Variants in ITGB4 observed in about 807,000 individuals in gnomAD.
ITGB4 encodes the protein integrin beta-4.
A neutral mutation model predicts 207.6 loss-of-function variants in ITGB4; 159 were observed. The observed-to-expected ratio is 0.77, with a 90% confidence interval of 0.67 to 0.87. ITGB4 has a LOEUF of 0.87. ITGB4 is among the 40% of genes least tolerant of loss of function. The pLI, the probability that ITGB4 is intolerant of heterozygous loss-of-function variation, is 0.00. For synonymous variants in ITGB4, 1,020 were observed against 1,062.7 expected, an observed-to-expected ratio of 0.96 and a Z score of 0.78; for missense variants, 2,278 against 2,546.8, an observed-to-expected ratio of 0.89 and a Z score of 2.27.
In ITGB4 at chr17:75,729,211, G is replaced by A. The variant is rs2060797039; in HGVS notation, c.567-54G>A. 5 of 1,574,400 alleles carry A rather than the reference G, an allele frequency of 3.2e-6. No individual in the cohort carries two copies. Among genetic ancestry groups the A allele is most frequent in the South Asian group, 1.1e-5 (1 of 90,124 alleles). On this transcript the variant is annotated intron_variant, in intron 6 of 39. Coordinates refer to ENST00000200181, the MANE Select transcript of ITGB4 (RefSeq NM_000213.5). This position sits in a 1 kb window ranked among gnomAD's most constrained non-coding sequence, Gnocchi z 4.4. ...AGTTGAAACGAGCCAGGGGCACTGG[G>A]GTCTGCGGCGTCTTCCCCCTGTGAC...
At chr17:75,737,126 C>T (rs751216535) in intron 16 of ITGB4, among the ~76,000 whole-genome samples, 196 bp from the exon 17 acceptor site, 2 of 152,170 alleles carry the variant, frequency 1.3e-5, no homozygotes, top group Non-Finnish European at 2.9e-5. Flanking sequence ...CTCTGATGCT[C>T]CTGAGCAGGG....
At chr17:75,741,290 C>T (rs1018372036) in intron 23 of ITGB4, among the ~76,000 whole-genome samples, 25 of 152,276 alleles carry the variant, frequency 1.6e-4, no homozygotes, top group African/African-American at 4.8e-4. Context: ...CCGGTACCAG[C>T]GATAGCAGGT....
chr17:75,734,105 G>A (rs2060922370), intron 13 of ITGB4, among the ~76,000 whole-genome samples: 1 of 141,148 alleles, frequency 7.1e-6, no homozygotes, highest in Non-Finnish European at 1.5e-5. Flanking sequence ...ATTTCTGTGG[G>A]TTTTTTGTTG....
chr17:75,733,766 AC>A, intron 13 of ITGB4, 74 bp downstream of exon 13: 1 of 1,502,642 alleles, frequency 6.7e-7, no homozygotes. Flanking sequence ...TCCCGTCAGG[AC>A]CCAGGTTGGG....
rs761318185 is a variant in ITGB4, at chr17:75,752,196, A to C, written c.3816A>C (p.Lys1272Asn). Residue 1272 changes from lysine to asparagine, a missense_variant, in exon 31 of 40, where the codon AAA becomes AAC. Transcript: ENST00000200181. ...DDNRPIGPMK[K>N]VLVDNPKNRM... is the part of the protein sequence containing the mutation. ...CAGGACCTATTGGGCCCATGAAGAA[A>C]GTGCTGGTTGACAACCCTAAGAACC... The C allele has an allele frequency of 6.2e-7, 1 of 1,613,854 alleles. No individual in the cohort carries two copies. Among genetic ancestry groups the C allele is most frequent in the Non-Finnish European group, 8.5e-7 (1 of 1,180,012 alleles).
intron 26 of ITGB4, among the ~76,000 whole-genome samples, chr17:75,747,695 C>G (rs997131170): frequency 2.6e-5 from 4 of 152,142 alleles, no homozygotes; most frequent in South Asian, 2.1e-4. Context: ...AGGTCTCGCT[C>G]TGTCACCCAG....
chr17:75,731,321 T>C lies in ITGB4; in HGVS notation c.1168T>C (p.Phe390Leu), dbSNP rs754973172. Residue 390 changes from phenylalanine to leucine, a missense_variant, in exon 10 of 40, where the codon TTC becomes CTC. By Grantham distance (22) the Phe-to-Leu change is conservative. Transcript: ENST00000200181. The surrounding 1 kb of genome is among the most constrained non-coding windows in gnomAD (Gnocchi z 6.8). ...GLRTEVTSKM[F>L]QKTRTGSFHI... Reference sequence around the variant, plus strand: ...TCGGACAGAGGTCACCTCCAAGATGTTCCAGAAGACGAGGACTGGGTCCTT... The same window carrying C: ...TCGGACAGAGGTCACCTCCAAGATGCTCCAGAAGACGAGGACTGGGTCCTT... 2 of 1,613,452 alleles carry C rather than the reference T, an allele frequency of 1.2e-6. No homozygotes were observed. The highest frequency in any genetic ancestry group is 1.7e-6 in the Non-Finnish European group (2 of 1,179,970).
Position 75,729,916 on chromosome 17 carries a change from G to A in ITGB4, c.739-325G>A, listed in dbSNP as rs922812262. Reference sequence around the variant, plus strand: ...CCCAGCACTTTGGGAGGCCGAGGCGGGGGGATTGCTTGAATTCAGGATTTG... The same window carrying A: ...CCCAGCACTTTGGGAGGCCGAGGCGAGGGGATTGCTTGAATTCAGGATTTG... On this transcript the variant is annotated intron_variant, in intron 7 of 39. Coordinates refer to ENST00000200181, the MANE Select transcript of ITGB4 (RefSeq NM_000213.5). This position sits in a 1 kb window ranked among gnomAD's most constrained non-coding sequence, Gnocchi z 4.4. Among the ~76,000 whole-genome samples the A allele has an allele frequency of 2.0e-5, 3 of 152,242 alleles. No individual in the cohort carries two copies. The highest frequency in any genetic ancestry group is 7.2e-5 in the African/African-American group (3 of 41,458).
At position 75,739,962 on chromosome 17, in the gene ITGB4, G is replaced by A. The variant is rs759488239; in HGVS notation, c.2337G>A (p.Leu779=). ...MASDHLDTPM[L]RSGNLKGRDV... ...CTGACCACTTGGACACGCCCATGCT[G>A]CGCAGCGGGAACCTCAAGGGCCGTG... The change falls in exon 20 of 40, where the codon CTG becomes CTA. Residue 779 remains leucine (L), a synonymous_variant. Coordinates refer to ENST00000200181, the MANE Select transcript of ITGB4 (RefSeq NM_000213.5). This position sits in a 1 kb window ranked among gnomAD's most constrained non-coding sequence, Gnocchi z 5.4. 3 of 1,613,306 alleles carry A rather than the reference G, an allele frequency of 1.9e-6. No homozygotes were observed. Among genetic ancestry groups the A allele is most frequent in the East Asian group, 4.5e-5 (2 of 44,888 alleles).
chr17:75,755,662 C>T (rs1357015496), intron 34 of ITGB4, 39 bp from the exon 35 acceptor site: 14 of 1,611,278 alleles, frequency 8.7e-6, no homozygotes, highest in African/African-American at 1.3e-5. Flanking sequence ...GAGACCCTAG[C>T]CCCTGCATCT....
rs1371888137 is a variant in ITGB4, at chr17:75,731,395, G to T, written c.1215+27G>T. 1.0e-5 allele frequency: 16 copies of T among 1,597,730 alleles called. No individual in the cohort carries two copies. The highest frequency in any genetic ancestry group is 1.1e-5 in the Non-Finnish European group (13 of 1,169,622). On this transcript the variant is annotated intron_variant, in intron 10 of 39. Transcript: ENST00000200181. The surrounding 1 kb of genome is among the most constrained non-coding windows in gnomAD (Gnocchi z 6.8). ...TACGCCTCTGTGGGGGCAGCGGGGTGGGGGATAGGCACAGCGCCCCACACC... is the reference window on the plus strand; with the variant it reads ...TACGCCTCTGTGGGGGCAGCGGGGTTGGGGATAGGCACAGCGCCCCACACC...
chr17:75,750,719 C>T lies in ITGB4; in HGVS notation c.3514C>T (p.His1172Tyr), dbSNP rs1271583104. 1.2e-6 allele frequency: 2 copies of T among 1,613,478 alleles called. No individual in the cohort carries two copies. The highest frequency in any genetic ancestry group is 3.3e-5 in the Admixed American group (2 of 60,028). Reference protein sequence around the residue: ...WIQGDSESEAHLLDSKVPSVE... With the variant: ...WIQGDSESEAYLLDSKVPSVE... ...TCAGGGTGACTCCGAATCCGAAGCCCACCTGCTCGACAGCAAGGTGCCCTC... is the reference window on the plus strand; with the variant it reads ...TCAGGGTGACTCCGAATCCGAAGCCTACCTGCTCGACAGCAAGGTGCCCTC... The change falls in exon 29 of 40, where the codon CAC (histidine) becomes TAC (tyrosine). Residue 1172 changes from histidine (H) to tyrosine (Y), a missense_variant. Coordinates refer to ENST00000200181, the MANE Select transcript of ITGB4 (RefSeq NM_000213.5). The surrounding 1 kb of genome is among the most constrained non-coding windows in gnomAD (Gnocchi z 5.5).
intron 34 of ITGB4, 68 bp from the exon 35 acceptor site, chr17:75,755,632 GC>G: frequency 6.3e-7 from 1 of 1,592,704 alleles, no homozygotes; most frequent in Non-Finnish European, 8.6e-7. Flanking sequence ...AGGTCAGGGG[GC>G]AGCACTGTGA....
chr17:75,755,774 C>CA lies in ITGB4; in HGVS notation c.4633dup (p.Arg1545LysfsTer27). The CA allele has an allele frequency of 6.2e-7, 1 of 1,612,662 alleles. No individual in the cohort carries two copies. The highest frequency in any genetic ancestry group is 1.1e-5 in the South Asian group (1 of 91,088). On this transcript the variant is annotated frameshift_variant, in exon 35 of 40. Coordinates refer to ENST00000200181, the MANE Select transcript of ITGB4 (RefSeq NM_000213.5). LOFTEE classifies it high-confidence loss of function. ...TCTCTGCCCTGGGGCCCACATCTCT[C>CA]AGAGTGAGCTGGCAGGAGCCGCGGT...
rs146687485 is a variant in ITGB4 at position 75,731,754 on chromosome 17, G to A, written c.1216-58G>A. 1.3e-5 allele frequency: 19 copies of A among 1,508,050 alleles called. No individual in the cohort carries two copies. Among genetic ancestry groups the A allele is most frequent in the African/African-American group, 1.1e-4 (8 of 72,098 alleles). 93.4% of individuals were successfully genotyped at this position (1,508,050 alleles called of 1,614,324 possible). On this transcript the variant is annotated intron_variant, in intron 10 of 39. Coordinates refer to ENST00000200181, the MANE Select transcript of ITGB4 (RefSeq NM_000213.5). The surrounding 1 kb of genome is among the most constrained non-coding windows in gnomAD (Gnocchi z 6.8). Reference sequence around the variant, plus strand: ...TGGGGGCCGAGGGCCTTCAGGCATCGATGGCCCCCTGGTCCTTGGGGCTGG... The same window carrying A: ...TGGGGGCCGAGGGCCTTCAGGCATCAATGGCCCCCTGGTCCTTGGGGCTGG...
In ITGB4 at chr17:75,724,707, G is replaced by T; in HGVS notation, c.4G>T (p.Ala2Ser). 6.2e-7 allele frequency: 1 copy of T among 1,613,364 alleles called. No homozygotes were observed. Among genetic ancestry groups the T allele is most frequent in the Non-Finnish European group, 8.5e-7 (1 of 1,179,646 alleles). Residue 2 changes from alanine to serine, a missense_variant, in exon 2 of 40, where the codon GCA becomes TCA. By Grantham distance (99) the Ala-to-Ser change is moderately conservative. Transcript: ENST00000200181. M[A>S]GPRPSPWARL... ...GCTGTTCTGCAGGAGGAAGAGGATG[G>T]CAGGGCCACGCCCCAGCCCATGGGC...
Position 75,757,513 on chromosome 17 carries a change from A to G in ITGB4, c.5427A>G (p.Gly1809=). The G allele has an allele frequency of 6.2e-7, 1 of 1,613,270 alleles. No individual in the cohort carries two copies. Among genetic ancestry groups the G allele is most frequent in the Non-Finnish European group, 8.5e-7 (1 of 1,179,970 alleles). The change falls in exon 40 of 40, where the codon GGA becomes GGG. Residue 1809 remains glycine (G), a synonymous_variant. Coordinates refer to ENST00000200181, the MANE Select transcript of ITGB4 (RefSeq NM_000213.5). ...TGAGCCGGACACTGACCACCAGCGGAACCCTTAGCACCCACATGGACCAAC... is the reference window on the plus strand; with the variant it reads ...TGAGCCGGACACTGACCACCAGCGGGACCCTTAGCACCCACATGGACCAAC... ...EFVSRTLTTS[G]TLSTHMDQQF... is the part of the protein sequence containing the mutation.
At chr17:75,733,807 G>T in intron 13 of ITGB4, 115 bp downstream of exon 13, 2 of 1,205,950 alleles carry the variant, frequency 1.7e-6, no homozygotes, top group Middle Eastern at 1.9e-4. Context: ...GAATCCCCAA[G>T]TTCAGGCCCA....
Position 75,754,719 on chromosome 17 carries a change from C to T in ITGB4, c.4462C>T (p.Leu1488Phe), listed in dbSNP as rs548288813. The T allele has an allele frequency of 8.9e-5, 144 of 1,614,186 alleles. No individual in the cohort carries two copies. The South Asian group carries it at 1.3e-3, about 15-fold the overall frequency. Reference sequence around the variant, plus strand: ...CCGCGTGCTAAGCACATCCTCCACCCTCACACGGGACTACAACTCACTGAC... The same window carrying T: ...CCGCGTGCTAAGCACATCCTCCACCTTCACACGGGACTACAACTCACTGAC... ...PHRVLSTSST[L>F]TRDYNSLTRS... Residue 1488 changes from leucine to phenylalanine, a missense_variant, in exon 34 of 40, where the codon CTC becomes TTC. Transcript: ENST00000200181.
Sources: gnomAD v4.1 joint callset for allele counts (sites outside exome capture counted in the v4.1 genomes callset) on GRCh38, gnomAD v4.1.1 for gene constraint, Gnocchi (gnomAD v3.1) non-coding constraint, MANE v1.5 for transcripts, NCBI Gene and HGNC (gene_info 2026-07-23, HGNC 2026-07-21) for gene names.